RGS6: variants seen among roughly 807,000 people sequenced by gnomAD.
RGS6 encodes regulator of G-protein signaling 6.
Under a neutral mutation model 78.5 loss-of-function variants are expected in RGS6, and 30 were observed. The ratio of observed to expected loss-of-function variants is 0.38; its 90% CI spans 0.29 to 0.52. RGS6 has a LOEUF of 0.52. Among genes scored for constraint, RGS6 ranks in the 20% least tolerant of loss-of-function variants. The pLI, the probability that RGS6 is intolerant of heterozygous loss-of-function variation, is 0.85. For missense variants in RGS6, 495 were observed against 609.7 expected (o/e 0.81, Z 1.98); for synonymous variants, 206 against 206.0 (o/e 1.00, Z 0.00).
At chr14:71,943,604 G>A (rs528928290) in intron 1 of RGS6, among the ~76,000 whole-genome samples, 35 of 152,300 alleles carry the variant, frequency 2.3e-4, no homozygotes, top group Middle Eastern at 3.4e-3. Flanking sequence ...AGAAGGCAGC[G>A]TGGGCAAGAT....
intron 1 of RGS6, among the ~76,000 whole-genome samples, chr14:71,936,802 A>G (rs1258816062): frequency 1.3e-5 from 2 of 152,216 alleles, no homozygotes; most frequent in South Asian, 2.1e-4. Context: ...TTAACAAAAG[A>G]AGGAGGAAAT....
At chr14:72,518,594 C>T in intron 15 of RGS6, 57 bp downstream of exon 15, 2 of 1,511,438 alleles carry the variant, frequency 1.3e-6, no homozygotes, top group Non-Finnish European at 1.8e-6. Flanking sequence ...CCTTCATTGC[C>T]TGACCTATTA....
chr14:72,213,203 T>A (rs1022463607), intron 2 of RGS6, among the ~76,000 whole-genome samples: 23 of 152,300 alleles, frequency 1.5e-4, no homozygotes, highest in African/African-American at 5.3e-4. Flanking sequence ...TTAACACTAC[T>A]CCTGTATATT....
chr14:72,511,306 G>A (rs1361175862), intron 14 of RGS6, among the ~76,000 whole-genome samples: 7 of 152,144 alleles, frequency 4.6e-5, no homozygotes, highest in Middle Eastern at 3.2e-3. Flanking sequence ...CATGTGCTGC[G>A]GGCAAAGGAC....
At chr14:72,155,815 C>T (rs1283182667) in intron 2 of RGS6, among the ~76,000 whole-genome samples, 1 of 152,224 alleles carries the variant, frequency 6.6e-6, no homozygotes, top group Non-Finnish European at 1.5e-5. Flanking sequence ...ACTTTATCTT[C>T]ATTCTCTGGC....
intron 2 of RGS6, among the ~76,000 whole-genome samples, chr14:71,992,812 A>G (rs941945101): frequency 6.6e-6 from 1 of 152,244 alleles, no homozygotes; most frequent in Non-Finnish European, 1.5e-5. Flanking sequence ...ACCCTTGTCT[A>G]TAACAAGGAC....
At chr14:72,417,520 A>G (rs1325713871) in intron 3 of RGS6, among the ~76,000 whole-genome samples, 1 of 152,010 alleles carries the variant, frequency 6.6e-6, no homozygotes, top group Non-Finnish European at 1.5e-5. Context: ...GGATTTGGAG[A>G]CAAGAAACCT....
chr14:72,142,812 C>A (rs1278625055), intron 2 of RGS6, among the ~76,000 whole-genome samples: 1 of 152,112 alleles, frequency 6.6e-6, no homozygotes, highest in Non-Finnish European at 1.5e-5. Context: ...AAGTGAAGGG[C>A]AGATGGTTTA....
chr14:72,161,879 TTTC>T (rs1372342568), intron 2 of RGS6, among the ~76,000 whole-genome samples: 1 of 152,262 alleles, frequency 6.6e-6, no homozygotes, highest in Non-Finnish European at 1.5e-5. Context: ...TTTTCTTTGT[TTTC>T]TTCTTGTTCT....
At chr14:72,034,276 C>T (rs559268191) in intron 2 of RGS6, among the ~76,000 whole-genome samples, 2 of 152,154 alleles carry the variant, frequency 1.3e-5, no homozygotes, top group East Asian at 3.9e-4. Flanking sequence ...TTCAGTTTTT[C>T]ACCATTAAGT....
chr14:72,550,980 C>G (rs2097498870), intron 17 of RGS6, among the ~76,000 whole-genome samples: 1 of 152,114 alleles, frequency 6.6e-6, no homozygotes, highest in Non-Finnish European at 1.5e-5. Context: ...GTTGGGATTA[C>G]AGGCCTGCAC....
the RGS6 span, among the ~76,000 whole-genome samples, chr14:72,586,158 C>T: frequency 6.6e-6 from 1 of 152,158 alleles, no homozygotes; most frequent in Non-Finnish European, 1.5e-5. Context: ...AGCCTTTTTG[C>T]AGAGCTTAGT....
At chr14:72,387,326 G>T (rs1486974376) in intron 3 of RGS6, among the ~76,000 whole-genome samples, 2 of 152,126 alleles carry the variant, frequency 1.3e-5, no homozygotes, top group African/African-American at 4.8e-5. Context: ...AAGGTGGGCG[G>T]ATCACCAGGT....
chr14:72,560,126 C>T (rs2097650821), intron 17 of RGS6, among the ~76,000 whole-genome samples: 1 of 151,834 alleles, frequency 6.6e-6, no homozygotes, highest in Admixed American at 6.6e-5. Flanking sequence ...TTCCCATCCA[C>T]CAGCTAAATG....
At chr14:71,891,212 C>T in the RGS6 span, among the ~76,000 whole-genome samples, 1 of 152,190 alleles carries the variant, frequency 6.6e-6, no homozygotes, top group South Asian at 2.1e-4. Flanking sequence ...TTCTGGTTAG[C>T]ATTGATATAA....
intron 2 of RGS6, among the ~76,000 whole-genome samples, chr14:72,350,417 GTTGA>G (rs1809424291): frequency 2.0e-5 from 3 of 152,206 alleles, no homozygotes. Flanking sequence ...TGTCCCTGAT[GTTGA>G]TCACAGATCT....
chr14:72,034,485 A>G (rs1189431835), intron 2 of RGS6, among the ~76,000 whole-genome samples: 3 of 151,298 alleles, frequency 2.0e-5, no homozygotes, highest in Admixed American at 1.3e-4. Context: ...TGATTTTTGT[A>G]TGTTAAGCCA....
chr14:72,030,797 T>C (rs1033219649), intron 2 of RGS6, among the ~76,000 whole-genome samples: 39 of 152,186 alleles, frequency 2.6e-4, no homozygotes, highest in African/African-American at 1.2e-4. Context: ...CCCTGGGGAA[T>C]AGGCTTTACA....
the RGS6 span, among the ~76,000 whole-genome samples, chr14:72,597,966 C>T: frequency 6.6e-6 from 1 of 152,230 alleles, no homozygotes; most frequent in Non-Finnish European, 1.5e-5. Flanking sequence ...TGTTGAGACA[C>T]CCTGTGCCCT....
Sources: allele counts gnomAD v4.1 joint callset (sites outside exome capture counted in the v4.1 genomes callset), GRCh38; gene constraint gnomAD v4.1.1; transcripts MANE v1.5; gene names NCBI Gene and HGNC (gene_info 2026-07-23, HGNC 2026-07-21).